Variants in PCDH9 observed in about 807,000 individuals in gnomAD.
PCDH9 encodes the protein protocadherin-9.
Under a neutral mutation model 70.6 loss-of-function variants are expected in PCDH9, and 24 were observed. The observed-to-expected ratio is 0.34, with a 90% CI of 0.25 to 0.48. PCDH9 has a LOEUF of 0.48. Among genes scored for constraint, PCDH9 ranks in the 20% least tolerant of loss-of-function variants. The pLI is 0.99. For missense variants in PCDH9, 1,281 were observed against 1,503.6 expected, an observed-to-expected ratio of 0.85 and a Z score of 2.45; for synonymous variants, 562 against 558.5, an observed-to-expected ratio of 1.01 and a Z score of -0.09.
intron 3 of PCDH9, among the ~76,000 whole-genome samples, chr13:66,644,910 C>T (rs929700381): frequency 1.7e-4 from 26 of 152,142 alleles, no homozygotes; most frequent in Non-Finnish European, 2.9e-4. Flanking sequence ...AAATGCTCCT[C>T]ATATTAGAAA....
chr13:66,459,408 C>T (rs900766657), intron 4 of PCDH9, among the ~76,000 whole-genome samples: 4 of 151,680 alleles, frequency 2.6e-5, no homozygotes, highest in East Asian at 1.9e-4. Context: ...TTCTTTCTTC[C>T]GAGTGGAAGC....
chr13:66,507,225 A>G (rs985451530), intron 4 of PCDH9, among the ~76,000 whole-genome samples: 5 of 151,634 alleles, frequency 3.3e-5, no homozygotes, highest in Non-Finnish European at 5.9e-5. Context: ...TTCTCTTATA[A>G]GGAAAGTGAA....
chr13:67,176,264 G>A (rs2088452325), intron 2 of PCDH9, among the ~76,000 whole-genome samples: 1 of 152,136 alleles, frequency 6.6e-6, no homozygotes, highest in South Asian at 2.1e-4. Context: ...GGGAAGTAGA[G>A]AATAAGTGGT....
intron 4 of PCDH9, among the ~76,000 whole-genome samples, chr13:66,460,920 T>C (rs759747961): frequency 6.6e-6 from 1 of 151,848 alleles, no homozygotes; most frequent in Non-Finnish European, 1.5e-5. Context: ...TTTTAAAAAA[T>C]AATACTGATA....
At chr13:66,835,586 T>C (rs2081003786) in intron 3 of PCDH9, among the ~76,000 whole-genome samples, 1 of 152,224 alleles carries the variant, frequency 6.6e-6, no homozygotes, top group Non-Finnish European at 1.5e-5. Flanking sequence ...TGAATCTGTG[T>C]TATATGCCGG....
intron 3 of PCDH9, among the ~76,000 whole-genome samples, chr13:66,640,650 C>G (rs2077696772): frequency 6.6e-6 from 1 of 151,804 alleles, no homozygotes. Flanking sequence ...GTAATTCAAG[C>G]CTTTAAAGGA....
intron 2 of PCDH9, among the ~76,000 whole-genome samples, chr13:66,903,832 A>C (rs2082315803): frequency 6.6e-6 from 1 of 152,052 alleles, no homozygotes. Flanking sequence ...AAGAAATATA[A>C]AATTTAGTAA....
In PCDH9 at chr13:66,685,029, A is replaced by AG. The variant is rs1438266245; in HGVS notation, c.3139-53619dup. 6.8e-5 allele frequency among the ~76,000 whole-genome samples: 9 copies of AG among 133,310 alleles called. No individual in the cohort carries two copies. The East Asian group carries it at 2.2e-3, about 32-fold the overall frequency. The allele number at this position is 133,310 out of a possible 152,430, so 87.5% of individuals were successfully genotyped here. The stretch of plus-strand genomic sequence containing the variant: ...TTGCAGCCTGACGATGCAATAGAAA[A>AG]GAAAAAAAAAACATTTTCTGAGGAG... On this transcript the variant is annotated intron_variant, in intron 3 of 4. Coordinates refer to ENST00000377865, the MANE Select transcript of PCDH9 (RefSeq NM_203487.3).
chr13:66,617,509 C>G (rs375369320), intron 4 of PCDH9, among the ~76,000 whole-genome samples: 54 of 152,270 alleles, frequency 3.5e-4, no homozygotes, highest in Admixed American at 7.8e-4. Flanking sequence ...TCAGATGCAT[C>G]CTCCAAACTG....
At chr13:66,888,592 G>A (rs2082046818) in intron 3 of PCDH9, among the ~76,000 whole-genome samples, 1 of 151,568 alleles carries the variant, frequency 6.6e-6, no homozygotes, top group Non-Finnish European at 1.5e-5. Context: ...GAAAGAAAAT[G>A]GGCAGGTAAA....
chr13:66,362,308 A>G (rs1410181585), intron 4 of PCDH9, among the ~76,000 whole-genome samples: 1 of 152,184 alleles, frequency 6.6e-6, no homozygotes, highest in Non-Finnish European at 1.5e-5. Flanking sequence ...CTTGTAGTCA[A>G]ATTGTTGTTT....
rs146610432 is a variant in PCDH9, at chr13:67,098,720, G to A, written c.3036+126685C>T. Among the ~76,000 whole-genome samples the A allele has an allele frequency of 9.7e-3, 1,462 of 151,114 alleles. 81 individuals carry two copies. Among genetic ancestry groups the A allele is most frequent in the Admixed American group, 0.08 (1,214 of 15,202 alleles). On this transcript the variant is annotated intron_variant, in intron 2 of 4. Transcript: ENST00000377865. Reference sequence around the variant, plus strand: ...ATCATTGCTTGGAAATACAAATAAAGAATAATGCAAAATAATGCATAAAAG... The same window carrying A: ...ATCATTGCTTGGAAATACAAATAAAAAATAATGCAAAATAATGCATAAAAG...
chr13:66,500,628 A>G (rs1048154573), intron 4 of PCDH9, among the ~76,000 whole-genome samples: 8 of 152,100 alleles, frequency 5.3e-5, no homozygotes, highest in Admixed American at 4.6e-4. Flanking sequence ...ATCTGAAATG[A>G]TTAGTTTTTT....
At chr13:66,578,518 C>A (rs1322194146) in intron 4 of PCDH9, among the ~76,000 whole-genome samples, 3 of 151,968 alleles carry the variant, frequency 2.0e-5, no homozygotes, top group African/African-American at 7.2e-5. Flanking sequence ...TAGTTTGACT[C>A]ATGGGAACAG....
intron 2 of PCDH9, among the ~76,000 whole-genome samples, chr13:67,050,151 A>G (rs2085295258): frequency 1.3e-5 from 2 of 152,118 alleles, no homozygotes; most frequent in African/African-American, 4.8e-5. Context: ...TTCACTGGAG[A>G]TTTGCTATTT....
rs1441142760 is a variant in PCDH9 at position 66,853,879 on chromosome 13, A to T, written c.3138+49625T>A. On this transcript the variant is annotated intron_variant, in intron 3 of 4. Coordinates refer to ENST00000377865, the MANE Select transcript of PCDH9 (RefSeq NM_203487.3). ...CACATGCCACCACACCCAGCTATGA[A>T]TCATTTTTAATGGGAATATACATTG... Among the ~76,000 whole-genome samples the T allele has an allele frequency of 2.5e-4, 38 of 152,158 alleles. 1 individual carries two copies. The highest frequency in any genetic ancestry group is 2.5e-3 in the Admixed American group (38 of 15,258).
At chr13:67,173,208 C>G (rs1202264473) in intron 2 of PCDH9, among the ~76,000 whole-genome samples, 1 of 152,004 alleles carries the variant, frequency 6.6e-6, no homozygotes, top group African/African-American at 2.4e-5. Context: ...TGAAGGTTAT[C>G]CACATTAAGA....
At chr13:66,828,588 A>G (rs1028128066) in intron 3 of PCDH9, among the ~76,000 whole-genome samples, 1 of 152,176 alleles carries the variant, frequency 6.6e-6, no homozygotes, top group African/African-American at 2.4e-5. Flanking sequence ...TCTATCAGAC[A>G]GTACACAATG....
intron 3 of PCDH9, among the ~76,000 whole-genome samples, chr13:66,856,111 A>G (rs2081390645): frequency 1.3e-5 from 2 of 152,004 alleles, no homozygotes; most frequent in African/African-American, 4.8e-5. Context: ...TTTACTTTCC[A>G]TAATAATAAA....
Sources: allele counts gnomAD v4.1 joint callset (sites outside exome capture counted in the v4.1 genomes callset), GRCh38; gene constraint gnomAD v4.1.1; transcripts MANE v1.5; gene names NCBI Gene and HGNC (gene_info 2026-07-23, HGNC 2026-07-21).